Variants in RAB20 observed in about 807,000 individuals in gnomAD.
RAB20 encodes the protein ras-related protein Rab-20.
RAB20 carries 2 observed loss-of-function variants against 3.7 expected under a neutral mutation model. That is an observed-to-expected ratio of 0.54 (90% CI 0.22 to 1.69). The LOEUF is 1.69. Among genes scored for constraint, RAB20 ranks in the 40% most tolerant of loss-of-function variants. The pLI is 0.19. For synonymous variants in RAB20, 126 were observed against 130.8 expected, an observed-to-expected ratio of 0.96 and a Z score of 0.25; for missense variants, 276 against 311.9, an observed-to-expected ratio of 0.88 and a Z score of 0.87.
chr13:110,557,345 T>C (rs1375670698), intron 1 of RAB20, among the ~76,000 whole-genome samples: 1 of 152,108 alleles, frequency 6.6e-6, no homozygotes, highest in Non-Finnish European at 1.5e-5. Context: ...GAAGAACAGA[T>C]AGGATGAGGG....
intron 1 of RAB20, among the ~76,000 whole-genome samples, chr13:110,559,840 G>A (rs781051702): frequency 1.2e-4 from 18 of 152,212 alleles, no homozygotes; most frequent in African/African-American, 4.8e-5. Flanking sequence ...TGCAGGGGCC[G>A]TTCCAGCACT....
chr13:110,546,999 C>G (rs1002326612), intron 1 of RAB20, among the ~76,000 whole-genome samples: 3 of 152,148 alleles, frequency 2.0e-5, no homozygotes, highest in Non-Finnish European at 4.4e-5. Context: ...CTGAGTCTCC[C>G]GAAGTGCTGG....
intron 1 of RAB20, among the ~76,000 whole-genome samples, chr13:110,544,883 G>A (rs147913193): frequency 3.2e-3 from 495 of 152,310 alleles, no homozygotes; most frequent in Admixed American, 6.1e-3. Flanking sequence ...ACGTGTTGTG[G>A]GAGGGACCCA....
intron 1 of RAB20, among the ~76,000 whole-genome samples, chr13:110,547,558 A>G (rs996178929): frequency 6.6e-6 from 1 of 152,072 alleles, no homozygotes; most frequent in Non-Finnish European, 1.5e-5. Flanking sequence ...TTCCACTCTC[A>G]CTTTAGGATC....
chr13:110,523,642 T>G lies in RAB20; in HGVS notation c.*23A>C, dbSNP rs752728292. On this transcript the variant is annotated 3_prime_UTR_variant, in exon 2 of 2. Coordinates refer to ENST00000267328, the MANE Select transcript of RAB20 (RefSeq NM_017817.3). ...AGACCCCTTCCCAACATGCACAGTC[T>G]GAGTCCAGGAGGCCCTCGAAAGTCA... is the stretch of plus-strand genomic sequence containing the variant. 20 of 1,607,262 alleles carry G rather than the reference T, an allele frequency of 1.2e-5. No homozygotes were observed. Among genetic ancestry groups the G allele is most frequent in the Non-Finnish European group, 1.7e-5 (20 of 1,175,230 alleles).
At chr13:110,524,489 A>G (rs1884393949) in intron 1 of RAB20, among the ~76,000 whole-genome samples, 1 of 152,164 alleles carries the variant, frequency 6.6e-6, no homozygotes, top group South Asian at 2.1e-4. Flanking sequence ...CCTGCCTTCA[A>G]GCACCAACTC....
chr13:110,528,214 C>T (rs1259198974), intron 1 of RAB20, among the ~76,000 whole-genome samples: 1 of 151,762 alleles, frequency 6.6e-6, no homozygotes, highest in Non-Finnish European at 1.5e-5. Flanking sequence ...TTCGGGAGTT[C>T]GAGACCAGCC....
intron 1 of RAB20, among the ~76,000 whole-genome samples, chr13:110,537,673 C>T (rs1173312136): frequency 6.6e-6 from 1 of 151,776 alleles, no homozygotes. Context: ...TATGACATTC[C>T]GGTTCCTAAA....
chr13:110,544,420 T>C (rs749443095), intron 1 of RAB20, among the ~76,000 whole-genome samples: 1 of 152,196 alleles, frequency 6.6e-6, no homozygotes, highest in Non-Finnish European at 1.5e-5. Flanking sequence ...TTAGAATTTT[T>C]TTCTATTTCT....
In RAB20 at chr13:110,523,271, A is replaced by G; in HGVS notation, c.*394T>C. 1 of 420,046 alleles carries G rather than the reference A, an allele frequency of 2.4e-6. No homozygotes were observed. Among genetic ancestry groups the G allele is most frequent in the East Asian group, 3.4e-5 (1 of 29,440 alleles). 26.0% of individuals were successfully genotyped at this position (420,046 alleles called of 1,614,324 possible). ...TGAGAACAAGAAATGTCAGAGTTGT[A>G]GGACGTGGTAACAACCCAGGGTGCT... On this transcript the variant is annotated 3_prime_UTR_variant, in exon 2 of 2. Coordinates refer to ENST00000267328, the MANE Select transcript of RAB20 (RefSeq NM_017817.3).
In RAB20 at chr13:110,531,695, G is replaced by A. The variant is rs186514249; in HGVS notation, c.173-7498C>T. On this transcript the variant is annotated intron_variant, in intron 1 of 1. Coordinates refer to ENST00000267328, the MANE Select transcript of RAB20 (RefSeq NM_017817.3). ...CCCAAACCTAAGGATGGATGCCACC[G>A]TCCCAGGGCTGCCCATGTCCCGGGT... Among the ~76,000 whole-genome samples the A allele has an allele frequency of 3.1e-3, 466 of 152,280 alleles. 5 individuals are homozygous for A. The highest frequency in any genetic ancestry group is 0.011 in the African/African-American group (442 of 41,548).
At chr13:110,537,754 T>C (rs2391835) in intron 1 of RAB20, among the ~76,000 whole-genome samples, 52,067 of 151,794 alleles carry the variant, frequency 0.34, 10,070 homozygotes, top group African/African-American at 0.53. Flanking sequence ...GTGCAGGCAT[T>C]GCCTCTTCAG....
chr13:110,534,822 C>T (rs1884609702), intron 1 of RAB20, among the ~76,000 whole-genome samples: 2 of 152,190 alleles, frequency 1.3e-5, no homozygotes, highest in South Asian at 2.1e-4. Flanking sequence ...GAGCAGAAGA[C>T]ATATCCAGCA....
intron 1 of RAB20, 48 bp downstream of exon 1, chr13:110,561,300 C>T (rs1488671425): frequency 6.6e-7 from 1 of 1,508,420 alleles, no homozygotes; most frequent in Middle Eastern, 1.9e-4. Flanking sequence ...CGCCCCCCGT[C>T]CCCGGCGGAG....
chr13:110,529,962 C>A (rs943114753), intron 1 of RAB20, among the ~76,000 whole-genome samples: 4 of 152,210 alleles, frequency 2.6e-5, no homozygotes, highest in African/African-American at 7.2e-5. Context: ...TGAGGGAAAC[C>A]TGAATCTGTA....
At chr13:110,560,780 C>A (rs1885116044) in intron 1 of RAB20, among the ~76,000 whole-genome samples, 1 of 151,818 alleles carries the variant, frequency 6.6e-6, no homozygotes, top group Non-Finnish European at 1.5e-5. Flanking sequence ...CCAACCCAAA[C>A]CCATATGACG....
intron 1 of RAB20, among the ~76,000 whole-genome samples, chr13:110,552,431 C>T (rs1347950138): frequency 4.6e-5 from 7 of 150,596 alleles, no homozygotes; most frequent in South Asian, 4.2e-4. Context: ...CAGTGGCTCA[C>T]GCCTGTAATC....
At chr13:110,540,177 C>T (rs1884732976) in intron 1 of RAB20, among the ~76,000 whole-genome samples, 1 of 152,194 alleles carries the variant, frequency 6.6e-6, no homozygotes, top group Admixed American at 6.5e-5. Flanking sequence ...AGGCAAGTCC[C>T]AAAAAATACA....
chr13:110,561,309 AGCCCCAGGGCGGTGTG>A (rs1885125784), intron 1 of RAB20, 23 bp downstream of exon 1: 1 of 1,519,212 alleles, frequency 6.6e-7, no homozygotes, highest in African/African-American at 1.5e-5. Flanking sequence ...TCCCCGGCGG[AGCCCCAGGGCGGTGTG>A]GCTCATGCGG....
Sources: gnomAD v4.1 joint callset for allele counts (sites outside exome capture counted in the v4.1 genomes callset) on GRCh38, gnomAD v4.1.1 for gene constraint, MANE v1.5 for transcripts, NCBI Gene and HGNC (gene_info 2026-07-23, HGNC 2026-07-21) for gene names.